CEMIP: variants seen among roughly 807,000 people sequenced by gnomAD.
CEMIP encodes cell migration-inducing and hyaluronan-binding protein.
In CEMIP, 105 loss-of-function variants were observed where a neutral mutation model predicts 156.9. The ratio of observed to expected loss-of-function variants is 0.67; its 90% CI spans 0.57 to 0.79. The LOEUF (loss-of-function observed/expected upper bound fraction) is 0.79. Ranked by LOEUF, CEMIP falls within the 30% of genes least tolerant of loss-of-function variation. The pLI is 0.00. For missense variants in CEMIP, 1,457 were observed against 1,769.4 expected (o/e 0.82, Z 3.17); for synonymous variants, 676 against 668.4 (o/e 1.01, Z -0.17).
intron 1 of CEMIP, among the ~76,000 whole-genome samples, chr15:80,870,959 G>A (rs1898268224): frequency 6.6e-6 from 1 of 152,190 alleles, no homozygotes; most frequent in South Asian, 2.1e-4. Context: ...CCAGTCTCCA[G>A]CTAACAGCTT....
At chr15:80,898,121 G>A (rs1899307691) in intron 12 of CEMIP, among the ~76,000 whole-genome samples, 1 of 152,352 alleles carries the variant, frequency 6.6e-6, no homozygotes, top group South Asian at 2.1e-4. Flanking sequence ...ATTCTATGAA[G>A]ACGTTTTGAA....
rs775181175 is a variant in CEMIP, at chr15:80,873,857, C to G, written c.-16-7C>G. 1.9e-6 allele frequency: 3 copies of G among 1,557,684 alleles called. No individual in the cohort carries two copies. The highest frequency in any genetic ancestry group is 2.6e-6 in the Non-Finnish European group (3 of 1,147,012). ...TGCATGTCTGACTCTGTGTGCTTCT[C>G]TTTCAGGGAGCACACTGCCAGGATG... On this transcript the variant is annotated splice_polypyrimidine_tract_variant and splice_region_variant and intron_variant, in intron 2 of 29. Transcript: ENST00000394685.
At chr15:80,914,127 G>A (rs975122001) in intron 14 of CEMIP, among the ~76,000 whole-genome samples, 4 of 152,172 alleles carry the variant, frequency 2.6e-5, no homozygotes, top group Admixed American at 6.5e-5. Flanking sequence ...TGGGGGTGGG[G>A]GATGCAAAAT....
chr15:80,947,164 C>T (rs1901593391), intron 29 of CEMIP, 99 bp downstream of exon 29: 1 of 771,040 alleles, frequency 1.3e-6, no homozygotes. Flanking sequence ...TGAGAACATG[C>T]TTTGTACTAA....
chr15:80,790,010 C>G (rs1896040718), intron 1 of CEMIP, among the ~76,000 whole-genome samples: 1 of 152,140 alleles, frequency 6.6e-6, no homozygotes, highest in African/African-American at 2.4e-5. Flanking sequence ...TTGAATAGAG[C>G]CCTGCTCATG....
At chr15:80,818,460 A>G (rs533461955) in intron 1 of CEMIP, among the ~76,000 whole-genome samples, 119 of 152,370 alleles carry the variant, frequency 7.8e-4, no homozygotes, top group African/African-American at 2.7e-3. Context: ...GAACAGTTTT[A>G]ATTTTGGCAC....
intron 19 of CEMIP, among the ~76,000 whole-genome samples, chr15:80,926,139 CAT>C (rs1296974673): frequency 5.3e-5 from 8 of 152,226 alleles, no homozygotes; most frequent in African/African-American, 1.9e-4. Flanking sequence ...GTTTCTCAAA[CAT>C]ATAAATTATG....
At chr15:80,821,345 G>A (rs1330348022) in intron 1 of CEMIP, among the ~76,000 whole-genome samples, 1 of 152,178 alleles carries the variant, frequency 6.6e-6, no homozygotes, top group African/African-American at 2.4e-5. Context: ...AGTTATAAAA[G>A]TTCATGTTAG....
At chr15:80,800,267 T>C (rs907851279) in intron 1 of CEMIP, among the ~76,000 whole-genome samples, 1 of 152,026 alleles carries the variant, frequency 6.6e-6, no homozygotes, top group South Asian at 2.1e-4. Context: ...TTATAGCCCA[T>C]GTGAGTCGTA....
intron 1 of CEMIP, among the ~76,000 whole-genome samples, chr15:80,800,445 T>C (rs1202795933): frequency 6.6e-6 from 1 of 152,200 alleles, no homozygotes; most frequent in Non-Finnish European, 1.5e-5. Flanking sequence ...TGGCTGAATG[T>C]GGCTGGCTTT....
In CEMIP at chr15:80,942,973, A is replaced by C. The variant is rs750448023; in HGVS notation, c.3728A>C (p.Glu1243Ala). The change falls in exon 28 of 30, where the codon GAG (glutamate) becomes GCG (alanine). Residue 1243 changes from glutamate to alanine, a missense_variant. Physicochemically the swap from Glu to Ala is moderately radical, Grantham distance 107. Coordinates refer to ENST00000394685, the MANE Select transcript of CEMIP (RefSeq NM_001293298.2). Reference sequence around the variant, plus strand: ...GATGGGAAGAAGTACCCCAGTTCGGAGGATGGCATCCAGGTGGTGGTGATT... The same window carrying C: ...GATGGGAAGAAGTACCCCAGTTCGGCGGATGGCATCCAGGTGGTGGTGATT... ...EVDGKKYPSSEDGIQVVVIDG... is the reference protein window; with the variant it reads ...EVDGKKYPSSADGIQVVVIDG... 73 of 1,614,096 alleles carry C rather than the reference A, an allele frequency of 4.5e-5. No homozygotes were observed. The highest frequency in any genetic ancestry group is 5.8e-5 in the Non-Finnish European group (68 of 1,180,044).
At chr15:80,843,179 C>T (rs762822520) in intron 1 of CEMIP, among the ~76,000 whole-genome samples, 1 of 152,082 alleles carries the variant, frequency 6.6e-6, no homozygotes, top group African/African-American at 2.4e-5. Flanking sequence ...AGGGAAGGCA[C>T]CATCATGATC....
chr15:80,913,982 T>C (rs1434714140), intron 14 of CEMIP, among the ~76,000 whole-genome samples: 5 of 152,244 alleles, frequency 3.3e-5, no homozygotes, highest in Non-Finnish European at 7.3e-5. Context: ...TGGAAAATGC[T>C]TCTCACTACA....
chr15:80,835,217 C>G (rs1897245125), intron 1 of CEMIP, among the ~76,000 whole-genome samples: 1 of 152,162 alleles, frequency 6.6e-6, no homozygotes, highest in Non-Finnish European at 1.5e-5. Flanking sequence ...TCTTATATAT[C>G]TTTTCTTTTG....
At position 80,884,069 on chromosome 15, in the gene CEMIP, G is replaced by A. The variant is rs554522989; in HGVS notation, c.618-106G>A. 3 of 1,108,000 alleles carry A rather than the reference G, an allele frequency of 2.7e-6. No homozygotes were observed. In the East Asian group the frequency reaches 7.1e-5, roughly 26 times the overall value. The allele number at this position is 1,108,000 out of a possible 1,614,324, so 68.6% of individuals were successfully genotyped here. A position where few individuals can be genotyped will look rare whatever the true frequency, so the allele number is the denominator to read the frequency against. On this transcript the variant is annotated intron_variant, in intron 6 of 29. Coordinates refer to ENST00000394685, the MANE Select transcript of CEMIP (RefSeq NM_001293298.2). Reference sequence around the variant, plus strand: ...CCTTCTTTAAGAATCACAGCCCTGGGATCATCGGATAGCATGTTAGCTGTC... The same window carrying A: ...CCTTCTTTAAGAATCACAGCCCTGGAATCATCGGATAGCATGTTAGCTGTC...
chr15:80,828,237 C>T (rs149131904), intron 1 of CEMIP, among the ~76,000 whole-genome samples: 2,704 of 151,982 alleles, frequency 0.018, 66 homozygotes, highest in African/African-American at 0.056. Flanking sequence ...AAAATTAGCC[C>T]GGTGTGGTGG....
chr15:80,791,400 C>T (rs1896077889), intron 1 of CEMIP, among the ~76,000 whole-genome samples: 1 of 152,162 alleles, frequency 6.6e-6, no homozygotes, highest in Non-Finnish European at 1.5e-5. Context: ...TGCTAGGGCT[C>T]AGTAAATACC....
At chr15:80,875,789 C>T (rs80150653) in intron 3 of CEMIP, among the ~76,000 whole-genome samples, 1,535 of 152,302 alleles carry the variant, frequency 0.01, 26 homozygotes, top group African/African-American at 0.034. Flanking sequence ...CCTCTTCAGA[C>T]ACTTTCTGAT....
intron 1 of CEMIP, among the ~76,000 whole-genome samples, chr15:80,781,794 T>C (rs1895805440): frequency 6.6e-6 from 1 of 152,238 alleles, no homozygotes; most frequent in African/African-American, 2.4e-5. Context: ...CAGTAATTGG[T>C]ACAATGTAAA....
Sources: gnomAD v4.1 joint callset for allele counts (sites outside exome capture counted in the v4.1 genomes callset) on GRCh38, gnomAD v4.1.1 for gene constraint, MANE v1.5 for transcripts, NCBI Gene and HGNC (gene_info 2026-07-23, HGNC 2026-07-21) for gene names.